The following WWOX variants were observed in gnomAD, a reference collection of about 807,000 sequenced individuals.
The protein encoded by WWOX is WW domain-containing oxidoreductase.
Under a neutral mutation model 46.2 loss-of-function variants are expected in WWOX, and 69 were observed. The observed-to-expected ratio is 1.49, with a 90% CI of 1.23 to 1.82. The LOEUF (loss-of-function observed/expected upper bound fraction) is 1.82. Among genes scored for constraint, WWOX ranks in the 40% most tolerant of loss-of-function variants. The pLI is 0.00. For missense variants in WWOX, 919 were observed against 542.6 expected (o/e 1.69, Z -6.89); for synonymous variants, 359 against 202.6 (o/e 1.77, Z -6.56).
intron 7 of WWOX, among the ~76,000 whole-genome samples, chr16:78,428,502 G>C (rs1212788807): frequency 1.3e-5 from 2 of 152,204 alleles, no homozygotes; most frequent in East Asian, 3.9e-4. Context: ...GAGAGTGCCT[G>C]ATACGTAGCA....
At chr16:78,871,277 T>C (rs1190525903) in intron 8 of WWOX, among the ~76,000 whole-genome samples, 1 of 152,158 alleles carries the variant, frequency 6.6e-6, no homozygotes, top group Non-Finnish European at 1.5e-5. Context: ...GTCCTTATTC[T>C]TATAACCTGT....
Position 78,386,968 on chromosome 16 carries a change from G to A in WWOX, c.605+20G>A, listed in dbSNP as rs372217196. The A allele has an allele frequency of 5.0e-6, 8 of 1,604,844 alleles. No individual in the cohort carries two copies. The African/African-American group carries it at 6.7e-5, about 13-fold the overall frequency. The stretch of plus-strand genomic sequence containing the variant: ...GAATGTGTGAGTGTTCCAGTGGAGG[G>A]TTATAGATCATAATTTCTTGCTATT... On this transcript the variant is annotated intron_variant, in intron 6 of 8. Coordinates refer to ENST00000566780, the MANE Select transcript of WWOX (RefSeq NM_016373.4).
chr16:79,123,569 G>T (rs2049685459), intron 8 of WWOX, among the ~76,000 whole-genome samples: 1 of 152,048 alleles, frequency 6.6e-6, no homozygotes, highest in African/African-American at 2.4e-5. Flanking sequence ...TAAGGACGTT[G>T]AGACCCAGAA....
Position 79,025,603 on chromosome 16 carries a change from A to G in WWOX, c.1057-186005A>G, listed in dbSNP as rs145979976. Among the ~76,000 whole-genome samples the G allele has an allele frequency of 4.0e-3, 605 of 152,220 alleles. 4 individuals are homozygous for G. The highest frequency in any genetic ancestry group is 5.6e-3 in the Non-Finnish European group (383 of 68,016). On this transcript the variant is annotated intron_variant, in intron 8 of 8. Coordinates refer to ENST00000566780, the MANE Select transcript of WWOX (RefSeq NM_016373.4). Reference sequence around the variant, plus strand: ...ATAGGTTCTCCTCAGAGCCCCCAGAAGGAACTAAGCCTTCTCACACCTAGA... The same window carrying G: ...ATAGGTTCTCCTCAGAGCCCCCAGAGGGAACTAAGCCTTCTCACACCTAGA...
chr16:79,015,497 C>T (rs904849683), intron 8 of WWOX, among the ~76,000 whole-genome samples: 4 of 152,226 alleles, frequency 2.6e-5, no homozygotes, highest in Middle Eastern at 3.4e-3. Flanking sequence ...ACTATAACGT[C>T]TTTATTTCTT....
chr16:78,939,911 A>G (rs1182836450), intron 8 of WWOX, among the ~76,000 whole-genome samples: 1 of 152,242 alleles, frequency 6.6e-6, no homozygotes, highest in Non-Finnish European at 1.5e-5. Flanking sequence ...CTCAAGTTGA[A>G]GGCCCAAGTT....
intron 8 of WWOX, among the ~76,000 whole-genome samples, chr16:78,928,794 C>T (rs1475949335): frequency 6.6e-6 from 1 of 152,072 alleles, no homozygotes; most frequent in Non-Finnish European, 1.5e-5. Context: ...TCGTGCAAGC[C>T]TCAGTTTTAG....
At chr16:78,675,109 A>G (rs1214433015) in intron 8 of WWOX, among the ~76,000 whole-genome samples, 3 of 152,216 alleles carry the variant, frequency 2.0e-5, no homozygotes, top group Non-Finnish European at 2.9e-5. Context: ...GAATGTTTAC[A>G]TAGATGATCG....
intron 8 of WWOX, among the ~76,000 whole-genome samples, chr16:78,773,816 G>C (rs1408258332): frequency 6.6e-6 from 1 of 152,202 alleles, no homozygotes; most frequent in East Asian, 1.9e-4. Flanking sequence ...CTTTGCATGT[G>C]AGTTCTGAAC....
At chr16:78,978,528 T>C (rs1349306309) in intron 8 of WWOX, among the ~76,000 whole-genome samples, 1 of 152,160 alleles carries the variant, frequency 6.6e-6, no homozygotes, top group Non-Finnish European at 1.5e-5. Context: ...TATAAAGAAA[T>C]GCCTGAGACT....
At chr16:78,311,288 A>G (rs2080238124) in intron 5 of WWOX, among the ~76,000 whole-genome samples, 2 of 152,182 alleles carry the variant, frequency 1.3e-5, no homozygotes. Flanking sequence ...CCAAGGCCTG[A>G]TGTATATAAA....
intron 8 of WWOX, among the ~76,000 whole-genome samples, chr16:78,444,170 T>C (rs1400969607): frequency 1.3e-5 from 2 of 152,220 alleles, no homozygotes; most frequent in African/African-American, 4.8e-5. Context: ...TGAGCACATG[T>C]TCCCAGCTCC....
At chr16:79,009,422 C>T (rs550630493) in intron 8 of WWOX, among the ~76,000 whole-genome samples, 3 of 151,694 alleles carry the variant, frequency 2.0e-5, no homozygotes, top group East Asian at 3.9e-4. Flanking sequence ...GAGGAGTGGG[C>T]AAAAGGAGAC....
At chr16:78,855,492 C>T (rs899583008) in intron 8 of WWOX, among the ~76,000 whole-genome samples, 1 of 152,108 alleles carries the variant, frequency 6.6e-6, no homozygotes, top group Admixed American at 6.6e-5. Flanking sequence ...GAAACTTTGG[C>T]GAAACTGGCT....
intron 5 of WWOX, among the ~76,000 whole-genome samples, chr16:78,220,132 C>T (rs974256994): frequency 6.6e-6 from 1 of 152,008 alleles, no homozygotes; most frequent in Non-Finnish European, 1.5e-5. Flanking sequence ...CGGGGTACTC[C>T]CTCAAATTTC....
intron 8 of WWOX, among the ~76,000 whole-genome samples, chr16:78,620,300 A>T (rs999207229): frequency 6.6e-6 from 1 of 152,230 alleles, no homozygotes; most frequent in Non-Finnish European, 1.5e-5. Context: ...GCTTTCTGCT[A>T]AGAACCTGCT....
At chr16:79,107,731 C>T (rs984305117) in intron 8 of WWOX, among the ~76,000 whole-genome samples, 1 of 152,166 alleles carries the variant, frequency 6.6e-6, no homozygotes, top group African/African-American at 2.4e-5. Flanking sequence ...CCCAGAAATT[C>T]TAGATTTATA....
intron 8 of WWOX, among the ~76,000 whole-genome samples, chr16:78,619,747 T>C (rs2046131368): frequency 6.6e-6 from 1 of 151,450 alleles, no homozygotes; most frequent in Non-Finnish European, 1.5e-5. Context: ...TGTATCCAAA[T>C]AAAAGCAACA....
At chr16:79,007,053 C>G (rs80241752) in intron 8 of WWOX, among the ~76,000 whole-genome samples, 13,542 of 152,074 alleles carry the variant, frequency 0.089, 970 homozygotes, top group East Asian at 0.3. Flanking sequence ...GGACCATTAT[C>G]CAGCCTTCCA....
Sources: allele counts gnomAD v4.1 joint callset (sites outside exome capture counted in the v4.1 genomes callset), GRCh38; gene constraint gnomAD v4.1.1; transcripts MANE v1.5; gene names NCBI Gene and HGNC (gene_info 2026-07-23, HGNC 2026-07-21).